The following ITSN2 variants were observed in gnomAD, a reference collection of about 807,000 sequenced individuals.
ITSN2 encodes the protein intersectin 2, also known as intersectin-2.
Under a neutral mutation model 243.7 loss-of-function variants are expected in ITSN2, and 156 were observed. That is an observed-to-expected ratio of 0.64 (90% confidence interval 0.56 to 0.73). The LOEUF (loss-of-function observed/expected upper bound fraction) is 0.73. ITSN2 is among the 30% of genes least tolerant of loss of function. The pLI is 0.00. For missense variants in ITSN2, 1,801 were observed against 1,996.1 expected (o/e 0.90, Z 1.86); for synonymous variants, 703 against 699.9 (o/e 1.00, Z -0.07).
At chr2:24,271,522 T>C (rs1677344852) in intron 19 of ITSN2, among the ~76,000 whole-genome samples, 1 of 152,168 alleles carries the variant, frequency 6.6e-6, no homozygotes, top group Non-Finnish European at 1.5e-5. Flanking sequence ...CATGTCTGAG[T>C]CTTTTCACAA....
At chr2:24,329,649 A>C (rs1177296019) in intron 1 of ITSN2, among the ~76,000 whole-genome samples, 1 of 152,230 alleles carries the variant, frequency 6.6e-6, no homozygotes, top group African/African-American at 2.4e-5. Flanking sequence ...AATTAAAACC[A>C]TGGATCATAA....
At chr2:24,281,277 G>A (rs1168486420) in intron 17 of ITSN2, among the ~76,000 whole-genome samples, 2 of 152,158 alleles carry the variant, frequency 1.3e-5, no homozygotes, top group South Asian at 2.1e-4. Flanking sequence ...TGATCAACCC[G>A]CCTCAGCCTC....
intron 25 of ITSN2, among the ~76,000 whole-genome samples, chr2:24,251,150 C>T (rs978984127): frequency 1.3e-5 from 2 of 149,766 alleles, no homozygotes; most frequent in Non-Finnish European, 3.0e-5. Flanking sequence ...CATGGTAAAA[C>T]CCCGCCTCCA....
intron 2 of ITSN2, chr2:24,321,674 G>A: frequency 6.6e-6 from 1 of 152,232 alleles, no homozygotes; most frequent in East Asian, 1.9e-4. Context: ...AAACCTGTCA[G>A]GATTCCTGTC....
intron 1 of ITSN2, among the ~76,000 whole-genome samples, chr2:24,346,651 C>G (rs1687558131): frequency 6.6e-6 from 1 of 152,084 alleles, no homozygotes; most frequent in Admixed American, 6.6e-5. Context: ...ATAGTGGAAA[C>G]TATGTGTGGG....
intron 2 of ITSN2, among the ~76,000 whole-genome samples, chr2:24,322,211 C>T (rs1420523940): frequency 1.3e-5 from 2 of 152,158 alleles, no homozygotes; most frequent in Non-Finnish European, 1.5e-5. Flanking sequence ...AGGTACTTTT[C>T]TAAGAGCTTT....
intron 37 of ITSN2, among the ~76,000 whole-genome samples, chr2:24,208,006 G>A (rs961587666): frequency 1.3e-5 from 2 of 152,042 alleles, no homozygotes; most frequent in African/African-American, 4.8e-5. Flanking sequence ...GATAGAGGTG[G>A]TGCAGAGAGG....
intron 17 of ITSN2, among the ~76,000 whole-genome samples, chr2:24,278,408 T>C (rs1033378524): frequency 6.6e-6 from 1 of 152,182 alleles, no homozygotes; most frequent in Non-Finnish European, 1.5e-5. Context: ...ATTTAATAAA[T>C]ATTTATTGGA....
At chr2:24,265,263 C>T (rs998087902) in intron 20 of ITSN2, among the ~76,000 whole-genome samples, 6 of 152,172 alleles carry the variant, frequency 3.9e-5, no homozygotes, top group South Asian at 2.1e-4. Context: ...CCATTTATTT[C>T]GGACTTCAAT....
intron 1 of ITSN2, among the ~76,000 whole-genome samples, chr2:24,336,136 G>A (rs1686346687): frequency 6.6e-6 from 1 of 151,502 alleles, no homozygotes; most frequent in African/African-American, 2.4e-5. Context: ...CAGCTACTTG[G>A]GAGGCTGAAG....
At chr2:24,315,719 G>A (rs1380172713) in intron 2 of ITSN2, among the ~76,000 whole-genome samples, 1 of 152,144 alleles carries the variant, frequency 6.6e-6, no homozygotes, top group Non-Finnish European at 1.5e-5. Context: ...TAATGAGTGA[G>A]TTCCTCACAA....
chr2:24,282,676 T>C (rs560862344), intron 17 of ITSN2, among the ~76,000 whole-genome samples: 1 of 152,056 alleles, frequency 6.6e-6, no homozygotes. Flanking sequence ...AGCCTGCCCA[T>C]CTGTATGCTC....
At chr2:24,272,205 C>G (rs992531522) in intron 18 of ITSN2, among the ~76,000 whole-genome samples, 2 of 152,082 alleles carry the variant, frequency 1.3e-5, no homozygotes, top group African/African-American at 4.8e-5. Context: ...TTCCCTCCTG[C>G]TAACCAACCT....
intron 37 of ITSN2, among the ~76,000 whole-genome samples, chr2:24,207,625 A>G (rs1669037947): frequency 6.6e-6 from 1 of 151,934 alleles, no homozygotes; most frequent in African/African-American, 2.4e-5. Context: ...TGGGGTCCAG[A>G]GGGAAGGCAG....
chr2:24,358,313 T>G (rs1688637149), intron 1 of ITSN2, among the ~76,000 whole-genome samples: 1 of 152,230 alleles, frequency 6.6e-6, no homozygotes, highest in Non-Finnish European at 1.5e-5. Flanking sequence ...CTATTGTACT[T>G]ACTAGCTCAG....
intron 17 of ITSN2, among the ~76,000 whole-genome samples, chr2:24,283,057 C>CT (rs568592951): frequency 6.7e-6 from 1 of 149,346 alleles, no homozygotes; most frequent in Non-Finnish European, 1.5e-5. Context: ...GACCCCCATG[C>CT]TTTTTTCTTT....
intron 1 of ITSN2, among the ~76,000 whole-genome samples, chr2:24,345,077 T>G (rs1687399994): frequency 6.6e-6 from 1 of 152,238 alleles, no homozygotes; most frequent in African/African-American, 2.4e-5. Flanking sequence ...CATTTTACAT[T>G]TTTGTACTGT....
intron 15 of ITSN2, 72 bp from the exon 16 acceptor site, chr2:24,286,423 T>C: frequency 7.6e-7 from 1 of 1,312,264 alleles, no homozygotes; most frequent in Non-Finnish European, 1.1e-6. Flanking sequence ...TCATTTACTG[T>C]TTGGTCAGAT....
upstream of ITSN2, chr2:24,360,606 C>T (rs12617419): frequency 0.98 from 148,990 of 152,354 alleles, 72,847 homozygotes; most frequent in East Asian, 0.99. Context: ...TGCCGGGCAC[C>T]GACTCCCCAC....
Sources: gnomAD v4.1 joint callset for allele counts (sites outside exome capture counted in the v4.1 genomes callset) on GRCh38, gnomAD v4.1.1 for gene constraint, MANE v1.5 for transcripts, NCBI Gene and HGNC (gene_info 2026-07-23, HGNC 2026-07-21) for gene names.